NLGN1: variants seen among roughly 807,000 people sequenced by gnomAD.
The protein encoded by NLGN1 is neuroligin-1.
Under a neutral mutation model 65.5 loss-of-function variants are expected in NLGN1, and 12 were observed. The observed-to-expected ratio is 0.18, with a 90% confidence interval of 0.12 to 0.30. NLGN1 has a LOEUF of 0.30. Ranked by LOEUF, NLGN1 falls within the 10% of genes least tolerant of loss-of-function variation. The pLI is 1.00. For synonymous variants in NLGN1, 350 were observed against 359.5 expected (o/e 0.97, Z 0.30); for missense variants, 750 against 1,007.1 (o/e 0.74, Z 3.46).
intron 4 of NLGN1, among the ~76,000 whole-genome samples, chr3:173,925,519 T>C (rs1742837092): frequency 6.6e-6 from 1 of 152,186 alleles, no homozygotes; most frequent in African/African-American, 2.4e-5. Flanking sequence ...TGCCCAGATG[T>C]TTTCTTTACC....
At chr3:173,658,675 T>G (rs183137213) in intron 3 of NLGN1, among the ~76,000 whole-genome samples, 1 of 152,130 alleles carries the variant, frequency 6.6e-6, no homozygotes, top group Admixed American at 6.6e-5. Context: ...AGCTTGCTGC[T>G]TCTAAACTAA....
At chr3:173,999,874 C>T (rs1011278482) in intron 4 of NLGN1, among the ~76,000 whole-genome samples, 1 of 151,948 alleles carries the variant, frequency 6.6e-6, no homozygotes, top group African/African-American at 2.4e-5. Flanking sequence ...CAAAGTACAA[C>T]AGCATTTTCA....
At chr3:173,688,094 A>G (rs914154323) in intron 3 of NLGN1, among the ~76,000 whole-genome samples, 2 of 152,174 alleles carry the variant, frequency 1.3e-5, no homozygotes, top group Non-Finnish European at 2.9e-5. Context: ...GACCTAGACT[A>G]TGTCTGATGA....
At chr3:173,599,594 T>C (rs1750091473) in intron 2 of NLGN1, among the ~76,000 whole-genome samples, 1 of 152,168 alleles carries the variant, frequency 6.6e-6, no homozygotes, top group African/African-American at 2.4e-5. Flanking sequence ...AATTACCTTA[T>C]TTGTTAAATT....
intron 3 of NLGN1, among the ~76,000 whole-genome samples, chr3:173,658,950 C>T (rs933351729): frequency 2.6e-5 from 4 of 151,956 alleles, no homozygotes; most frequent in African/African-American, 9.7e-5. Flanking sequence ...GAAAATTATT[C>T]GAAGAGTACA....
intron 3 of NLGN1, among the ~76,000 whole-genome samples, chr3:173,619,917 T>A (rs1753716379): frequency 1.3e-5 from 2 of 152,090 alleles, no homozygotes; most frequent in African/African-American, 4.8e-5. Context: ...AAGTGGCCCA[T>A]CCACTGAGCA....
chr3:173,464,507 C>A (rs1296148944), intron 2 of NLGN1, among the ~76,000 whole-genome samples: 1 of 146,868 alleles, frequency 6.8e-6, no homozygotes, highest in East Asian at 2.0e-4. Flanking sequence ...GCAATCTCGG[C>A]TCACTGTCAC....
At chr3:173,632,846 T>G (rs935626852) in intron 3 of NLGN1, among the ~76,000 whole-genome samples, 1 of 70,898 alleles carries the variant, frequency 1.4e-5, no homozygotes, top group Non-Finnish European at 2.6e-5. Context: ...TGTTTTTTTT[T>G]TTGTTTTTTT....
chr3:174,133,240 G>A (rs1699500925), intron 4 of NLGN1, among the ~76,000 whole-genome samples: 2 of 152,182 alleles, frequency 1.3e-5, no homozygotes, highest in Non-Finnish European at 2.9e-5. Context: ...TAACCAAGAA[G>A]TTAAAACCTT....
Position 173,867,228 on chromosome 3 carries a change from CT to C in NLGN1, c.646+59397del, listed in dbSNP as rs564913297. Among the ~76,000 whole-genome samples the C allele has an allele frequency of 5.9e-5, 9 of 152,244 alleles. No individual in the cohort carries two copies. In the South Asian group the frequency reaches 1.9e-3, roughly 32 times the overall value. ...ATTACAGTGCAGCAGTTAATTTTCTCTCCAAAATTTAGTTTCAACCGAGCAA... is the reference window on the plus strand; with the variant it reads ...ATTACAGTGCAGCAGTTAATTTTCTCCCAAAATTTAGTTTCAACCGAGCAA... On this transcript the variant is annotated intron_variant, in intron 4 of 6. Transcript: ENST00000457714.
chr3:173,600,573 GGTA>G (rs1750330310), intron 2 of NLGN1, among the ~76,000 whole-genome samples: 1 of 26,932 alleles, frequency 3.7e-5, no homozygotes, highest in Non-Finnish European at 1.3e-4. Flanking sequence ...AACAAAGCAA[GGTA>G]GAAATAAAAA....
chr3:174,110,189 T>C (rs921520751), intron 4 of NLGN1, among the ~76,000 whole-genome samples: 1 of 152,030 alleles, frequency 6.6e-6, no homozygotes, highest in African/African-American at 2.4e-5. Context: ...TCAGTGAACA[T>C]TTCCCTGATT....
intron 4 of NLGN1, among the ~76,000 whole-genome samples, chr3:173,826,401 T>C (rs1721344668): frequency 6.6e-6 from 1 of 152,010 alleles, no homozygotes; most frequent in Non-Finnish European, 1.5e-5. Context: ...GAATGAGAGA[T>C]ACAGCTACAC....
chr3:174,248,434 A>T (rs186017616), intron 4 of NLGN1, among the ~76,000 whole-genome samples: 203 of 152,320 alleles, frequency 1.3e-3, no homozygotes, highest in African/African-American at 4.8e-3. Context: ...AAAGTGTGCT[A>T]GGGATGCATT....
intron 4 of NLGN1, among the ~76,000 whole-genome samples, chr3:173,879,558 AAGTTCAACATGTGGGTCACTTT>A (rs1429436408): frequency 6.6e-6 from 1 of 152,038 alleles, no homozygotes; most frequent in Non-Finnish European, 1.5e-5. Flanking sequence ...TTGTCTACGA[AAGTTCAACATGTGGGTCACTTT>A]AGAATCAATT....
chr3:174,032,343 G>A (rs954612388), intron 4 of NLGN1, among the ~76,000 whole-genome samples: 10 of 152,120 alleles, frequency 6.6e-5, no homozygotes, highest in Admixed American at 5.9e-4. Flanking sequence ...ACCACACACT[G>A]AACCAATTAA....
At chr3:173,743,404 C>CTATTA (rs759364445) in intron 3 of NLGN1, among the ~76,000 whole-genome samples, 13 of 152,106 alleles carry the variant, frequency 8.5e-5, no homozygotes, top group Admixed American at 6.6e-4. Context: ...ACCATTTACT[C>CTATTA]TATTATATTA....
chr3:173,971,687 T>C (rs995694734), intron 4 of NLGN1, among the ~76,000 whole-genome samples: 7 of 152,058 alleles, frequency 4.6e-5, no homozygotes, highest in African/African-American at 1.7e-4. Context: ...TTGGGCTTCC[T>C]CGGGACCATT....
intron 3 of NLGN1, among the ~76,000 whole-genome samples, chr3:173,659,579 T>A (rs1045672413): frequency 6.6e-6 from 1 of 151,932 alleles, no homozygotes; most frequent in African/African-American, 2.4e-5. Context: ...AAAAATAGCC[T>A]TGGGCCACAG....
Sources: allele counts gnomAD v4.1 joint callset (sites outside exome capture counted in the v4.1 genomes callset), GRCh38; gene constraint gnomAD v4.1.1; transcripts MANE v1.5; gene names NCBI Gene and HGNC (gene_info 2026-07-23, HGNC 2026-07-21).